RNF213: variants seen among roughly 807,000 people sequenced by gnomAD.
The protein encoded by RNF213 is ring finger protein 213.
In RNF213, 341 loss-of-function variants were observed where a neutral mutation model predicts 514.4. That is an observed-to-expected ratio of 0.66 (90% CI 0.61 to 0.73). The LOEUF is 0.73. Among genes scored for constraint, RNF213 ranks in the 30% least tolerant of loss-of-function variants. RNF213 has a pLI of 0.00. For synonymous variants in RNF213, 2,655 were observed against 2,658.2 expected (o/e 1.00, Z 0.04); for missense variants, 5,767 against 6,615.6 (o/e 0.87, Z 4.45).
At position 80,380,705 on chromosome 17, in the gene RNF213, G is replaced by A. The variant is rs1188128093; in HGVS notation, c.13641-126G>A. ...CTTAGGAACATGGTCCAGGCTTTGT[G>A]GAACAGCAAGTACTCTTCACATAAC... On this transcript the variant is annotated intron_variant, in intron 55 of 67. Transcript: ENST00000582970. 6 of 1,125,970 alleles carry A rather than the reference G, an allele frequency of 5.3e-6. No homozygotes were observed. In the Admixed American group the frequency reaches 7.1e-5, roughly 13 times the overall value. The allele number at this position is 1,125,970 out of a possible 1,614,324, so 69.7% of individuals were successfully genotyped here.
Position 80,345,596 on chromosome 17 carries a change from G to C in RNF213, c.7261G>C (p.Glu2421Gln). The part of the protein sequence containing the change: ...RCGIPVIIMG[E>Q]TGCGKTRLIK... ...TGGGATCCCGGTTATCATCATGGGAGAAACTGGCTGTGGGAAAACCAGGCT... is the reference window on the plus strand; with the variant it reads ...TGGGATCCCGGTTATCATCATGGGACAAACTGGCTGTGGGAAAACCAGGCT... Residue 2421 changes from glutamate (E) to glutamine (Q), a missense_variant, in exon 29 of 68, where the codon GAA (glutamate) becomes CAA (glutamine). Glu to Gln is a conservative substitution (Grantham distance 29, BLOSUM62 2). This residue lies in a region of RNF213 where 1,377 missense variants were observed against 1,635.2 expected (regional missense o/e 0.84). Coordinates refer to ENST00000582970, the MANE Select transcript of RNF213 (RefSeq NM_001256071.3). This position sits in a 1 kb window ranked among gnomAD's most constrained non-coding sequence, Gnocchi z 6.0. 6.2e-7 allele frequency: 1 copy of C among 1,614,026 alleles called. No individual in the cohort carries two copies. Among genetic ancestry groups the C allele is most frequent in the Non-Finnish European group, 8.5e-7 (1 of 1,179,904 alleles).
intron 31 of RNF213, 64 bp from the exon 32 acceptor site, chr17:80,351,621 T>A: frequency 1.1e-6 from 1 of 905,240 alleles, no homozygotes. Context: ...GCTTTGTTTA[T>A]TTGCTTGTTT....
chr17:80,304,309 C>T (rs2045281727), intron 11 of RNF213, among the ~76,000 whole-genome samples: 1 of 152,078 alleles, frequency 6.6e-6, no homozygotes. Context: ...TCGCTGAGCC[C>T]ACTTGGGCTG....
At chr17:80,388,403 T>C in intron 63 of RNF213, 1 of 585,674 alleles carries the variant, frequency 1.7e-6, no homozygotes, top group Non-Finnish European at 3.1e-6. Flanking sequence ...TGTCATGTAA[T>C]TGGCTGTGAG....
At chr17:80,384,838 T>G (rs1353558062) in intron 59 of RNF213, 1 of 641,082 alleles carries the variant, frequency 1.6e-6, no homozygotes, top group East Asian at 2.9e-5. Flanking sequence ...TTCGCCGCCC[T>G]CCATTTCTAG....
chr17:80,393,737 A>G lies in RNF213; in HGVS notation c.*239A>G, dbSNP rs1008498795. 2.0e-6 allele frequency: 1 copy of G among 501,494 alleles called. No individual in the cohort carries two copies. The highest frequency in any genetic ancestry group is 3.6e-6 in the Non-Finnish European group (1 of 275,128). 31.1% of individuals were successfully genotyped at this position (501,494 alleles called of 1,614,324 possible). ...TCTCATCATTTTATGAGTACTGTTC[A>G]TTGAGAGATGACAATGAAGATTAGA... is the stretch of plus-strand genomic sequence containing the variant. On this transcript the variant is annotated 3_prime_UTR_variant, in exon 68 of 68. Coordinates refer to ENST00000582970, the MANE Select transcript of RNF213 (RefSeq NM_001256071.3).
chr17:80,390,978 C>T (rs2144671389), intron 67 of RNF213, among the ~76,000 whole-genome samples: 1 of 152,238 alleles, frequency 6.6e-6, no homozygotes, highest in South Asian at 2.1e-4. Flanking sequence ...AGGAGAATTG[C>T]TTTAACCTGG....
In RNF213 at chr17:80,382,677, G is replaced by A. The variant is rs764132745; in HGVS notation, c.13979-302G>A. The A allele has an allele frequency of 6.4e-5, 22 of 341,930 alleles. 2 individuals are homozygous for A. Among genetic ancestry groups the A allele is most frequent in the Admixed American group, 2.1e-4 (5 of 23,970 alleles). 21.2% of individuals were successfully genotyped at this position (341,930 alleles called of 1,614,324 possible). On this transcript the variant is annotated intron_variant, in intron 57 of 67. Coordinates refer to ENST00000582970, the MANE Select transcript of RNF213 (RefSeq NM_001256071.3). ...GGTGGCAGCAGCTGAGACGGCTGGC[G>A]GTAGCCTGGGCCACTCTTACTATTG...
rs1337827182 is a variant in RNF213, at chr17:80,337,823, C to G, written c.4669-10C>G. Reference sequence around the variant, plus strand: ...CCAAGAAAGTGACTTCTAACCTATGCTCTTCACAGATTTCCCCAGACACGG... The same window carrying G: ...CCAAGAAAGTGACTTCTAACCTATGGTCTTCACAGATTTCCCCAGACACGG... On this transcript the variant is annotated splice_polypyrimidine_tract_variant and intron_variant, in intron 24 of 67. Coordinates refer to ENST00000582970, the MANE Select transcript of RNF213 (RefSeq NM_001256071.3). 6.5e-7 allele frequency: 1 copy of G among 1,536,822 alleles called. No individual in the cohort carries two copies. The highest frequency in any genetic ancestry group is 1.4e-5 in the African/African-American group (1 of 73,050).
chr17:80,359,632 A>G, intron 37 of RNF213, among the ~76,000 whole-genome samples: 1 of 151,850 alleles, frequency 6.6e-6, no homozygotes, highest in East Asian at 1.9e-4. Flanking sequence ...AAAGAAAGAA[A>G]GAGTGAGAGA....
rs1055683756 is a variant in RNF213, at chr17:80,317,393, G to C, written c.2901+116G>C. 2.5e-5 allele frequency: 22 copies of C among 878,416 alleles called. No homozygotes were observed. Among genetic ancestry groups the C allele is most frequent in the Non-Finnish European group, 3.8e-5 (20 of 531,060 alleles). The allele number at this position is 878,416 out of a possible 1,614,324, so 54.4% of individuals were successfully genotyped here. A position where few individuals can be genotyped will look rare whatever the true frequency, so the allele number is the denominator to read the frequency against. On this transcript the variant is annotated intron_variant, in intron 16 of 67. Transcript: ENST00000582970. The surrounding 1 kb of genome is among the most constrained non-coding windows in gnomAD (Gnocchi z 4.1). The stretch of plus-strand genomic sequence containing the variant: ...GCCTCTCTGTGGGCAGGGATGGGGT[G>C]AATCACAGCTCCGTGTTTCTGTTTC...
chr17:80,275,884 G>A (rs913178803), intron 3 of RNF213, among the ~76,000 whole-genome samples: 1 of 151,374 alleles, frequency 6.6e-6, no homozygotes, highest in Non-Finnish European at 1.5e-5. Flanking sequence ...GGATGGTCTC[G>A]ATCTCCTGAC....
intron 14 of RNF213, among the ~76,000 whole-genome samples, chr17:80,309,892 A>G (rs2045507416): frequency 6.6e-6 from 1 of 151,954 alleles, no homozygotes; most frequent in African/African-American, 2.4e-5. Context: ...AGTAGCTGGG[A>G]CTACAGACGC....
chr17:80,382,232 T>G (rs1227953462), intron 57 of RNF213: 1 of 158,160 alleles, frequency 6.3e-6, no homozygotes, highest in Admixed American at 6.0e-5. Context: ...GAGCTAACTT[T>G]CTATTTTAAA....
intron 44 of RNF213, 114 bp downstream of exon 44, chr17:80,368,257 TCA>T: frequency 2.6e-6 from 3 of 1,157,508 alleles, no homozygotes; most frequent in Non-Finnish European, 3.9e-6. Context: ...AAACCTGACC[TCA>T]GAGAACTATC....
Position 80,353,711 on chromosome 17 carries a change from C to G in RNF213, c.10578+45C>G. 1 of 1,612,078 alleles carries G rather than the reference C, an allele frequency of 6.2e-7. No individual in the cohort carries two copies. Among genetic ancestry groups the G allele is most frequent in the Non-Finnish European group, 8.5e-7 (1 of 1,178,158 alleles). ...ACCTCCCCTTGTGCTGCTGGTGATG[C>G]TTCTGAGCTGCATCTTTAAACGCTT... On this transcript the variant is annotated intron_variant, in intron 34 of 67. Coordinates refer to ENST00000582970, the MANE Select transcript of RNF213 (RefSeq NM_001256071.3). The surrounding 1 kb of genome is among the most constrained non-coding windows in gnomAD (Gnocchi z 5.0).
intron 22 of RNF213, 27 bp from the exon 23 acceptor site, chr17:80,336,134 G>A (rs1241660970): frequency 1.1e-5 from 17 of 1,526,734 alleles, no homozygotes; most frequent in East Asian, 2.5e-5. Context: ...ATAGTCCCAC[G>A]CTGAACTCCC....
At position 80,264,753 on chromosome 17, in the gene RNF213, C is replaced by T. The variant is rs889663604; in HGVS notation, c.97+975C>T. ...CCCTTACAAGATCCGCCCCTGCCCC[C>T]GCTGTAACTCAGGACAAGCAGGAGC... On this transcript the variant is annotated intron_variant, in intron 2 of 67. Coordinates refer to ENST00000582970, the MANE Select transcript of RNF213 (RefSeq NM_001256071.3). The surrounding 1 kb of genome is among the most constrained non-coding windows in gnomAD (Gnocchi z 5.0). Among the ~76,000 whole-genome samples, 6 of 152,242 alleles carry T rather than the reference C, an allele frequency of 3.9e-5. No homozygotes were observed. Among genetic ancestry groups the T allele is most frequent in the Non-Finnish European group, 5.9e-5 (4 of 68,032 alleles).
chr17:80,322,357 T>C (rs930061615), intron 17 of RNF213, among the ~76,000 whole-genome samples: 7 of 151,798 alleles, frequency 4.6e-5, no homozygotes, highest in Admixed American at 1.3e-4. Context: ...GGGCCGGGCA[T>C]GGTGGCTCAT....
Sources: allele counts gnomAD v4.1 joint callset (sites outside exome capture counted in the v4.1 genomes callset), GRCh38; gene constraint gnomAD v4.1.1; regional missense constraint gnomAD v4.1.1; non-coding constraint Gnocchi (gnomAD v3.1); transcripts MANE v1.5; gene names NCBI Gene and HGNC (gene_info 2026-07-23, HGNC 2026-07-21).